GPHN: variants seen among roughly 807,000 people sequenced by gnomAD.
GPHN encodes the protein gephyrin.
GPHN carries 17 observed loss-of-function variants against 95.5 expected under a neutral mutation model. The ratio of observed to expected loss-of-function variants is 0.18; its 90% confidence interval spans 0.12 to 0.27. The LOEUF (loss-of-function observed/expected upper bound fraction) is 0.27. Ranked by LOEUF, GPHN falls within the 10% of genes least tolerant of loss-of-function variation. GPHN has a pLI of 1.00. For missense variants in GPHN, 660 were observed against 978.1 expected, an observed-to-expected ratio of 0.67 and a Z score of 4.34; for synonymous variants, 320 against 322.5, an observed-to-expected ratio of 0.99 and a Z score of 0.08.
At chr14:66,930,427 A>G (rs1241261780) in intron 8 of GPHN, among the ~76,000 whole-genome samples, 1 of 152,064 alleles carries the variant, frequency 6.6e-6, no homozygotes, top group African/African-American at 2.4e-5. Context: ...CAAAGAGACA[A>G]CTGATAAAAA....
At chr14:67,579,972 A>C in the GPHN span, 1 of 1,210,688 alleles carries the variant, frequency 8.3e-7, no homozygotes. Flanking sequence ...ACTGTTTGGT[A>C]GCTCATTTGG....
the GPHN span, among the ~76,000 whole-genome samples, chr14:67,202,396 AC>A: frequency 1.3e-5 from 2 of 152,152 alleles, no homozygotes; most frequent in Admixed American, 1.3e-4. Context: ...AGCCGAGATC[AC>A]CCATGGCACT....
At chr14:66,592,522 A>C (rs34715304) in intron 1 of GPHN, among the ~76,000 whole-genome samples, 7 of 152,166 alleles carry the variant, frequency 4.6e-5, no homozygotes, top group Non-Finnish European at 1.0e-4. Flanking sequence ...AGAAGAAGAC[A>C]TTTGTGTGGC....
the GPHN span, chr14:67,562,732 A>AG: frequency 6.2e-7 from 1 of 1,613,626 alleles, no homozygotes. Context: ...TGGAGTCCCG[A>AG]GCTAGGTCCC....
the GPHN span, among the ~76,000 whole-genome samples, chr14:67,568,472 G>A: frequency 3.9e-5 from 6 of 152,134 alleles, no homozygotes; most frequent in Non-Finnish European, 8.8e-5. Context: ...GGAGTATTAG[G>A]GAAAAGAGCT....
chr14:67,075,050 G>A (rs2076443961), intron 11 of GPHN, among the ~76,000 whole-genome samples: 2 of 152,278 alleles, frequency 1.3e-5, no homozygotes, highest in South Asian at 4.1e-4. Flanking sequence ...GGAAGAAGAT[G>A]CCTTCTAGGA....
At chr14:66,668,293 A>G (rs1425818237) in intron 1 of GPHN, among the ~76,000 whole-genome samples, 1 of 152,204 alleles carries the variant, frequency 6.6e-6, no homozygotes, top group African/African-American at 2.4e-5. Context: ...TATATACCCA[A>G]AGGAATATAA....
rs762815827 is a variant in GPHN at position 66,824,569 on chromosome 14, G to A, written c.294+3G>A. The A allele has an allele frequency of 1.5e-6, 2 of 1,356,104 alleles. No homozygotes were observed. Among genetic ancestry groups the A allele is most frequent in the Non-Finnish European group, 2.1e-6 (2 of 944,316 alleles). The allele number at this position is 1,356,104 out of a possible 1,614,324, so 84.0% of individuals were successfully genotyped here. On this transcript the variant is annotated splice_donor_region_variant and intron_variant, in intron 4 of 22. Coordinates refer to ENST00000478722, the MANE Select transcript of GPHN (RefSeq NM_020806.5). ...CACCACGAGATGTCACTCCAGAGGT[G>A]AGATAGTACATGCCTTTTCATATTC...
At chr14:66,961,640 G>A (rs1228246677) in intron 8 of GPHN, among the ~76,000 whole-genome samples, 1 of 151,436 alleles carries the variant, frequency 6.6e-6, no homozygotes, top group Non-Finnish European at 1.5e-5. Context: ...AAATCTAAAT[G>A]ACTGAGGAAT....
At chr14:66,946,028 T>A (rs1407592732) in intron 8 of GPHN, among the ~76,000 whole-genome samples, 1 of 150,904 alleles carries the variant, frequency 6.6e-6, no homozygotes, top group Non-Finnish European at 1.5e-5. Flanking sequence ...TTCCCTGAAA[T>A]TTTTTTTTAA....
chr14:66,945,016 T>C (rs13379476), intron 8 of GPHN, among the ~76,000 whole-genome samples: 47,837 of 152,008 alleles, frequency 0.31, 11,715 homozygotes, highest in African/African-American at 0.66. Context: ...GACATAGAAG[T>C]GAAAGGAAAA....
chr14:66,510,071 A>AC (rs541282305), intron 1 of GPHN, among the ~76,000 whole-genome samples: 54 of 152,218 alleles, frequency 3.5e-4, no homozygotes, highest in Admixed American at 3.1e-3. Flanking sequence ...AGAAAAGGGA[A>AC]CCCCCAAATC....
intron 4 of GPHN, among the ~76,000 whole-genome samples, chr14:66,848,992 A>G (rs1430593927): frequency 6.6e-6 from 1 of 151,912 alleles, no homozygotes; most frequent in Admixed American, 6.6e-5. Flanking sequence ...ACTGTATGCC[A>G]TGTATTTTTA....
the GPHN span, chr14:67,652,289 A>G: frequency 1.3e-5 from 2 of 152,514 alleles, no homozygotes; most frequent in African/African-American, 4.8e-5. Context: ...TCAAAGAAGG[A>G]CTTATTTATT....
the GPHN span, among the ~76,000 whole-genome samples, chr14:67,504,724 A>C: frequency 6.6e-6 from 1 of 152,148 alleles, no homozygotes; most frequent in Non-Finnish European, 1.5e-5. Flanking sequence ...GTCTCTACTA[A>C]AAATACAAAA....
the GPHN span, among the ~76,000 whole-genome samples, chr14:67,345,496 A>C: frequency 1.3e-5 from 2 of 152,164 alleles, no homozygotes; most frequent in Non-Finnish European, 2.9e-5. Flanking sequence ...CAGAGGTTGC[A>C]GTGAGCCGAG....
chr14:67,537,208 G>A, the GPHN span, among the ~76,000 whole-genome samples: 1 of 133,944 alleles, frequency 7.5e-6, no homozygotes, highest in East Asian at 2.3e-4. Context: ...AGCCAGTGTG[G>A]TGGCATCCAC....
the GPHN span, chr14:67,345,941 A>T: frequency 1.1e-6 from 1 of 935,488 alleles, no homozygotes; most frequent in East Asian, 2.5e-5. Flanking sequence ...CCCCAAAAGG[A>T]GATAATTCAG....
chr14:67,472,349 A>T, the GPHN span: 1 of 152,288 alleles, frequency 6.6e-6, no homozygotes, highest in African/African-American at 2.4e-5. Flanking sequence ...CTTGAAAATA[A>T]ACCAGGCAGG....
Sources: gnomAD v4.1 joint callset for allele counts (sites outside exome capture counted in the v4.1 genomes callset) on GRCh38, gnomAD v4.1.1 for gene constraint, MANE v1.5 for transcripts, NCBI Gene and HGNC (gene_info 2026-07-23, HGNC 2026-07-21) for gene names.